The following RGL1 variants were observed in gnomAD, a reference collection of about 807,000 sequenced individuals.
RGL1 encodes the protein ral guanine nucleotide dissociation stimulator-like 1.
Under a neutral mutation model 95.2 loss-of-function variants are expected in RGL1, and 24 were observed. The ratio of observed to expected loss-of-function variants is 0.25; its 90% CI spans 0.18 to 0.35. The LOEUF (loss-of-function observed/expected upper bound fraction) is 0.35. RGL1 is among the 10% of genes least tolerant of loss of function. The pLI is 1.00. For missense variants in RGL1, 715 were observed against 936.3 expected (o/e 0.76, Z 3.08); for synonymous variants, 329 against 344.9 (o/e 0.95, Z 0.51).
chr1:183,723,867 C>T (rs547473938), intron 1 of RGL1, among the ~76,000 whole-genome samples: 5 of 152,258 alleles, frequency 3.3e-5, no homozygotes, highest in Admixed American at 2.6e-4. Flanking sequence ...CCCAAACCCA[C>T]GCAGTGCAGC....
chr1:183,846,617 C>T (rs976749404), intron 2 of RGL1, among the ~76,000 whole-genome samples: 3 of 152,030 alleles, frequency 2.0e-5, no homozygotes, highest in Admixed American at 1.3e-4. Context: ...CAGTGGCTCA[C>T]GCCTGTAATC....
chr1:183,813,937 T>A (rs1292909838), intron 2 of RGL1, among the ~76,000 whole-genome samples: 1 of 152,232 alleles, frequency 6.6e-6, no homozygotes. Context: ...TTTCACATTT[T>A]ATTTTTTAGG....
chr1:183,686,192 C>T (rs1466713238), intron 1 of RGL1, among the ~76,000 whole-genome samples: 1 of 152,068 alleles, frequency 6.6e-6, no homozygotes, highest in Non-Finnish European at 1.5e-5. Flanking sequence ...CCTTTTGTGT[C>T]ACTTTCTTTT....
At chr1:183,796,557 A>AC (rs1463524196) in intron 2 of RGL1, among the ~76,000 whole-genome samples, 1 of 152,182 alleles carries the variant, frequency 6.6e-6, no homozygotes, top group Non-Finnish European at 1.5e-5. Flanking sequence ...GGTGTTAAAG[A>AC]CCTTGCCTCA....
At chr1:183,858,685 T>G (rs1349021522) in intron 3 of RGL1, among the ~76,000 whole-genome samples, 1 of 152,204 alleles carries the variant, frequency 6.6e-6, no homozygotes, top group African/African-American at 2.4e-5. Context: ...TCTGAAAATT[T>G]TTTTTACATT....
chr1:183,898,858 G>A (rs530446996), intron 10 of RGL1, among the ~76,000 whole-genome samples: 5 of 152,316 alleles, frequency 3.3e-5, no homozygotes, highest in East Asian at 1.9e-4. Flanking sequence ...TGAGGAAGCA[G>A]CCAGCCTCAT....
chr1:183,748,560 C>T (rs1206354714), intron 2 of RGL1, among the ~76,000 whole-genome samples: 1 of 151,960 alleles, frequency 6.6e-6, no homozygotes, highest in African/African-American at 2.4e-5. Flanking sequence ...TGCCCGCCAC[C>T]ACGTCCAGCT....
chr1:183,865,768 T>TTAAG (rs538089479), intron 3 of RGL1, among the ~76,000 whole-genome samples: 1 of 152,232 alleles, frequency 6.6e-6, no homozygotes, highest in Non-Finnish European at 1.5e-5. Context: ...AGAGAAAGTT[T>TTAAG]TAAGTAGTGT....
intron 16 of RGL1, among the ~76,000 whole-genome samples, chr1:183,916,970 T>TATTC (rs1669018729): frequency 2.6e-5 from 4 of 152,116 alleles, no homozygotes; most frequent in Admixed American, 2.0e-4. Flanking sequence ...TGCTAAAACT[T>TATTC]ATTCGTTTAG....
chr1:183,713,771 A>G (rs142779986), intron 1 of RGL1, among the ~76,000 whole-genome samples: 1 of 152,210 alleles, frequency 6.6e-6, no homozygotes, highest in East Asian at 1.9e-4. Context: ...TTGTTTATAA[A>G]CCATTCAGTT....
intron 2 of RGL1, among the ~76,000 whole-genome samples, chr1:183,746,505 T>C (rs1338573855): frequency 2.0e-5 from 3 of 152,106 alleles, no homozygotes; most frequent in African/African-American, 7.2e-5. Flanking sequence ...TATTGTACAA[T>C]ATGCCATTGT....
intron 3 of RGL1, among the ~76,000 whole-genome samples, chr1:183,853,078 G>C (rs1422233220): frequency 6.6e-6 from 1 of 151,482 alleles, no homozygotes; most frequent in Non-Finnish European, 1.5e-5. Context: ...GCTCATGCTT[G>C]TAATCCCAGC....
At chr1:183,650,816 G>A (rs1650693928) in intron 1 of RGL1, among the ~76,000 whole-genome samples, 1 of 150,760 alleles carries the variant, frequency 6.6e-6, no homozygotes, top group East Asian at 1.9e-4. Context: ...CTCTTACAAT[G>A]TTGTTTATCC....
intron 1 of RGL1, among the ~76,000 whole-genome samples, chr1:183,741,053 C>T (rs1009799368): frequency 3.9e-5 from 6 of 152,078 alleles, no homozygotes; most frequent in African/African-American, 1.4e-4. Flanking sequence ...GTGTCACAAA[C>T]AAAGGCTATA....
intron 2 of RGL1, among the ~76,000 whole-genome samples, chr1:183,746,995 T>G (rs1013775656): frequency 1.3e-5 from 2 of 152,234 alleles, no homozygotes; most frequent in Non-Finnish European, 2.9e-5. Flanking sequence ...CATCTTTTTT[T>G]TATGGCTGCA....
chr1:183,733,635 A>G (rs1558178461), intron 1 of RGL1, among the ~76,000 whole-genome samples: 1 of 152,162 alleles, frequency 6.6e-6, no homozygotes, highest in Non-Finnish European at 1.5e-5. Context: ...TTTCCATTCC[A>G]GAGGATTTAT....
chr1:183,782,559 A>C (rs754137424), intron 2 of RGL1, among the ~76,000 whole-genome samples: 2 of 152,196 alleles, frequency 1.3e-5, no homozygotes, highest in African/African-American at 4.8e-5. Flanking sequence ...TTGGCACTAC[A>C]TATTTTTATG....
At chr1:183,796,911 G>A (rs930500374) in intron 2 of RGL1, among the ~76,000 whole-genome samples, 1 of 152,170 alleles carries the variant, frequency 6.6e-6, no homozygotes. Flanking sequence ...CTGGCTGGCT[G>A]TCCTTTTTTC....
chr1:183,820,080 A>G (rs1662363407), intron 2 of RGL1, among the ~76,000 whole-genome samples: 1 of 152,060 alleles, frequency 6.6e-6, no homozygotes, highest in South Asian at 2.1e-4. Context: ...AGCCACCATG[A>G]CTAGCCCATT....
Sources: allele counts gnomAD v4.1 joint callset (sites outside exome capture counted in the v4.1 genomes callset), GRCh38; gene constraint gnomAD v4.1.1; transcripts MANE v1.5; gene names NCBI Gene and HGNC (gene_info 2026-07-23, HGNC 2026-07-21).